The following SAMMSON variants were observed in gnomAD, a reference collection of about 807,000 sequenced individuals.
SAMMSON encodes the protein survival associated mitochondrial melanoma specific oncogenic non-coding RNA.
chr3:70,137,296 G>A (rs904116832), intron 4 of SAMMSON, among the ~76,000 whole-genome samples: 3 of 152,114 alleles, frequency 2.0e-5, no homozygotes, highest in Non-Finnish European at 2.9e-5. Flanking sequence ...AAAACTCCTC[G>A]ATAGTTTATA....
chr3:70,223,501 T>A (rs1194526108), intron 4 of SAMMSON, among the ~76,000 whole-genome samples: 3 of 152,164 alleles, frequency 2.0e-5, no homozygotes, highest in African/African-American at 7.2e-5. Context: ...GTTACTCTTG[T>A]AGATTTCAAG....
At chr3:70,281,455 C>A (rs927738855) in intron 6 of SAMMSON, among the ~76,000 whole-genome samples, 2 of 152,180 alleles carry the variant, frequency 1.3e-5, no homozygotes, top group East Asian at 3.8e-4. Context: ...TAATCGTGAA[C>A]AGGCCACTTA....
chr3:70,116,644 G>A (rs1310534898), intron 4 of SAMMSON, among the ~76,000 whole-genome samples: 4 of 151,986 alleles, frequency 2.6e-5, no homozygotes, highest in African/African-American at 7.2e-5. Flanking sequence ...GAAAAGACCC[G>A]TCTGAATGGC....
rs558570552 is a variant in SAMMSON, at chr3:70,094,847, A to T, written n.507+23282A>T. ...TGATGCTGAACTCTTGAACTTCTTG[A>T]CAGGTTACAGGTAAGGGTTTTTAAA... On this transcript the variant is annotated intron_variant and non_coding_transcript_variant, in intron 4 of 9. Coordinates refer to ENST00000642114, the Ensembl canonical transcript of SAMMSON. 3 of 152,300 alleles carry T rather than the reference A, an allele frequency of 2.0e-5. No homozygotes were observed. In the South Asian group the frequency reaches 6.2e-4, roughly 32 times the overall value. 9.4% of individuals were successfully genotyped at this position (152,300 alleles called of 1,614,324 possible).
At chr3:70,378,715 T>G (rs1461996663) in intron 9 of SAMMSON, among the ~76,000 whole-genome samples, 1 of 152,070 alleles carries the variant, frequency 6.6e-6, no homozygotes, top group Non-Finnish European at 1.5e-5. Context: ...AATCTGGCCA[T>G]CTCTTTTGTA....
At chr3:70,204,214 A>G (rs1262228651) in intron 4 of SAMMSON, among the ~76,000 whole-genome samples, 2 of 152,180 alleles carry the variant, frequency 1.3e-5, no homozygotes, top group South Asian at 2.1e-4. Context: ...CACAAACTAC[A>G]TGAAAGTGGA....
chr3:70,382,344 C>T (rs1359596109), intron 9 of SAMMSON, among the ~76,000 whole-genome samples: 1 of 152,150 alleles, frequency 6.6e-6, no homozygotes, highest in Middle Eastern at 3.4e-3. Context: ...ACATATATCC[C>T]CTTCCTAACT....
intron 7 of SAMMSON, among the ~76,000 whole-genome samples, chr3:70,310,745 A>T (rs2106709731): frequency 6.6e-6 from 1 of 152,260 alleles, no homozygotes. Flanking sequence ...ATGAAGTTGG[A>T]GGTGTTGATT....
chr3:70,131,129 A>C (rs1242187045), intron 4 of SAMMSON, among the ~76,000 whole-genome samples: 1 of 152,232 alleles, frequency 6.6e-6, no homozygotes. Context: ...AATAGAAGAT[A>C]TATCATCTCA....
chr3:70,009,371 G>A (rs1325598326), intron 1 of SAMMSON: 1 of 152,046 alleles, frequency 6.6e-6, no homozygotes, highest in Admixed American at 6.6e-5. Context: ...TTCTTGGGAG[G>A]GGTGTATGTG....
intron 3 of SAMMSON, among the ~76,000 whole-genome samples, chr3:70,039,199 A>G (rs1256841456): frequency 6.6e-6 from 1 of 152,142 alleles, no homozygotes; most frequent in Admixed American, 6.6e-5. Flanking sequence ...TCTTGTCTCC[A>G]TTAGTTATTG....
intron 3 of SAMMSON, among the ~76,000 whole-genome samples, chr3:70,032,590 T>C (rs923974944): frequency 6.6e-6 from 1 of 152,224 alleles, no homozygotes; most frequent in African/African-American, 2.4e-5. Flanking sequence ...TCTTACGCTT[T>C]CTATTAATGA....
intron 9 of SAMMSON, among the ~76,000 whole-genome samples, chr3:70,387,814 T>C (rs1283166845): frequency 6.6e-6 from 1 of 152,136 alleles, no homozygotes; most frequent in Non-Finnish European, 1.5e-5. Flanking sequence ...TTAAATGTTC[T>C]ACCTACCTCT....
At chr3:70,014,791 G>T (rs2066974889) in intron 3 of SAMMSON, 1 of 152,168 alleles carries the variant, frequency 6.6e-6, no homozygotes, top group South Asian at 2.1e-4. Context: ...GATATTGCAT[G>T]AGTTGTCCAT....
intron 6 of SAMMSON, chr3:70,283,510 C>G (rs1377583033): frequency 6.6e-6 from 1 of 152,102 alleles, no homozygotes. Context: ...AGGTCAGTCT[C>G]AGAACTAGAC....
At chr3:70,332,279 C>A (rs1421936168) in intron 7 of SAMMSON, among the ~76,000 whole-genome samples, 1 of 152,200 alleles carries the variant, frequency 6.6e-6, no homozygotes, top group South Asian at 2.1e-4. Context: ...AGAACTCTCA[C>A]ATAAACAGGC....
chr3:70,368,313 T>C (rs1702937025), intron 9 of SAMMSON, among the ~76,000 whole-genome samples: 1 of 151,486 alleles, frequency 6.6e-6, no homozygotes, highest in Non-Finnish European at 1.5e-5. Flanking sequence ...ACATTTAATG[T>C]TAAACCAAAT....
intron 2 of SAMMSON, among the ~76,000 whole-genome samples, chr3:70,397,301 A>G (rs1036409034): frequency 2.0e-5 from 3 of 151,914 alleles, no homozygotes; most frequent in Non-Finnish European, 4.4e-5. Flanking sequence ...AGGTTCCTCA[A>G]TCTTCTTCTT....
chr3:70,397,954 A>G (rs1701105729), intron 2 of SAMMSON, among the ~76,000 whole-genome samples: 2 of 152,202 alleles, frequency 1.3e-5, no homozygotes, highest in Admixed American at 1.3e-4. Flanking sequence ...GCAAATATTA[A>G]TAATGTTATC....
Sources: gnomAD v4.1 joint callset for allele counts (sites outside exome capture counted in the v4.1 genomes callset) on GRCh38, gnomAD v4.1.1 for gene constraint, MANE v1.5 for transcripts, NCBI Gene and HGNC (gene_info 2026-07-23, HGNC 2026-07-21) for gene names.